PPARGC1A: variants seen among roughly 807,000 people sequenced by gnomAD.
The protein encoded by PPARGC1A is PPARG coactivator 1 alpha.
A neutral mutation model predicts 88.7 loss-of-function variants in PPARGC1A; 25 were observed. The observed-to-expected ratio is 0.28, with a 90% CI of 0.21 to 0.39. The LOEUF (loss-of-function observed/expected upper bound fraction) is 0.39, where lower values mean the gene tolerates loss of function less well. Ranked by LOEUF, PPARGC1A falls within the 10% of genes least tolerant of loss-of-function variation. The pLI is 1.00. For missense variants in PPARGC1A, 880 were observed against 968.7 expected, an observed-to-expected ratio of 0.91 and a Z score of 1.22; for synonymous variants, 363 against 355.6, an observed-to-expected ratio of 1.02 and a Z score of -0.24.
the PPARGC1A span, among the ~76,000 whole-genome samples, chr4:23,949,861 G>A: frequency 6.6e-6 from 1 of 152,126 alleles, no homozygotes; most frequent in African/African-American, 2.4e-5. Flanking sequence ...TTTTCACTTT[G>A]CAGCTACCCT....
the PPARGC1A span, among the ~76,000 whole-genome samples, chr4:24,065,511 T>G: frequency 7.7e-4 from 117 of 152,300 alleles, no homozygotes; most frequent in Non-Finnish European, 1.5e-3. Flanking sequence ...CAGGTGCTTT[T>G]CATAGAATTC....
intron 10 of PPARGC1A, among the ~76,000 whole-genome samples, chr4:23,805,083 T>A (rs147812461): frequency 6.6e-6 from 1 of 152,136 alleles, no homozygotes. Flanking sequence ...ATATCTGCTA[T>A]AAAATCAATC....
At chr4:24,169,731 T>C in the PPARGC1A span, among the ~76,000 whole-genome samples, 4 of 151,966 alleles carry the variant, frequency 2.6e-5, no homozygotes, top group South Asian at 2.1e-4. Context: ...TTAGGGAACA[T>C]TGTGGCAGGC....
intron 2 of PPARGC1A, among the ~76,000 whole-genome samples, chr4:23,843,719 A>C (rs1727475981): frequency 1.3e-5 from 2 of 152,004 alleles, no homozygotes; most frequent in South Asian, 4.1e-4. Context: ...AATTCCTACA[A>C]TTTGTATAAA....
chr4:23,866,217 T>C (rs1230926893), intron 2 of PPARGC1A: 1 of 142,130 alleles, frequency 7.0e-6, no homozygotes, highest in Non-Finnish European at 1.5e-5. Context: ...AAAACTTTCA[T>C]TTGCTATGGT....
the PPARGC1A span, among the ~76,000 whole-genome samples, chr4:24,086,166 A>G: frequency 6.6e-6 from 1 of 152,130 alleles, no homozygotes; most frequent in Non-Finnish European, 1.5e-5. Flanking sequence ...TTGGTTAGTT[A>G]TTATCCACCC....
the PPARGC1A span, among the ~76,000 whole-genome samples, chr4:24,280,490 G>GA: frequency 6.6e-6 from 1 of 152,002 alleles, no homozygotes; most frequent in Non-Finnish European, 1.5e-5. Context: ...GAGGGAGGGA[G>GA]AGAAGAAGAA....
chr4:23,994,985 T>A, the PPARGC1A span, among the ~76,000 whole-genome samples: 1 of 152,182 alleles, frequency 6.6e-6, no homozygotes, highest in African/African-American at 2.4e-5. Context: ...TACGAGGGTA[T>A]GTTTGAAATT....
At chr4:24,464,599 A>G in the PPARGC1A span, among the ~76,000 whole-genome samples, 1 of 152,204 alleles carries the variant, frequency 6.6e-6, no homozygotes, top group East Asian at 1.9e-4. Flanking sequence ...AAGAGATTAC[A>G]TGGATGTCTT....
the PPARGC1A span, among the ~76,000 whole-genome samples, chr4:24,023,535 G>A: frequency 1.3e-5 from 2 of 152,132 alleles, no homozygotes; most frequent in Non-Finnish European, 2.9e-5. Context: ...CTGTGATACC[G>A]CAAGGATATA....
chr4:24,210,400 T>C, the PPARGC1A span, among the ~76,000 whole-genome samples: 1 of 152,224 alleles, frequency 6.6e-6, no homozygotes, highest in African/African-American at 2.4e-5. Flanking sequence ...GGAGCTTGAG[T>C]AAAATAAACG....
At chr4:23,959,383 G>A in the PPARGC1A span, among the ~76,000 whole-genome samples, 1 of 152,102 alleles carries the variant, frequency 6.6e-6, no homozygotes, top group South Asian at 2.1e-4. Flanking sequence ...GCATATTTCA[G>A]TACTTATTAT....
At chr4:24,047,939 C>T in the PPARGC1A span, among the ~76,000 whole-genome samples, 1 of 152,190 alleles carries the variant, frequency 6.6e-6, no homozygotes, top group African/African-American at 2.4e-5. Context: ...CACTTCACTT[C>T]CTGCCTTTTC....
chr4:23,857,396 T>C (rs942439340), intron 2 of PPARGC1A, among the ~76,000 whole-genome samples: 1 of 146,322 alleles, frequency 6.8e-6, no homozygotes, highest in Admixed American at 6.8e-5. Flanking sequence ...ACGCACGTAC[T>C]AAATAGATTT....
chr4:23,905,204 C>T (rs1460339812), upstream of PPARGC1A, among the ~76,000 whole-genome samples: 1 of 152,182 alleles, frequency 6.6e-6, no homozygotes, highest in Non-Finnish European at 1.5e-5. Context: ...AAAGGGCAAA[C>T]ATAGGGATAT....
intron 2 of PPARGC1A, among the ~76,000 whole-genome samples, chr4:23,858,985 T>A (rs1730711487): frequency 1.4e-5 from 2 of 146,128 alleles, no homozygotes; most frequent in South Asian, 4.2e-4. Flanking sequence ...AATATAAACA[T>A]AAATTAAAGT....
intron 7 of PPARGC1A, among the ~76,000 whole-genome samples, chr4:23,822,431 G>A (rs1723170126): frequency 6.6e-6 from 1 of 152,084 alleles, no homozygotes; most frequent in Non-Finnish European, 1.5e-5. Context: ...TCACTAGGAT[G>A]ATAGTATTGC....
At chr4:24,041,049 C>T in the PPARGC1A span, among the ~76,000 whole-genome samples, 6 of 152,176 alleles carry the variant, frequency 3.9e-5, no homozygotes, top group South Asian at 2.1e-4. Context: ...GTGGGAGAAC[C>T]GACATTGGGA....
chr4:24,304,289 C>T, the PPARGC1A span, among the ~76,000 whole-genome samples: 3 of 152,116 alleles, frequency 2.0e-5, no homozygotes, highest in Admixed American at 6.5e-5. Flanking sequence ...CAATAAAAGG[C>T]CCCCAGACTT....
Sources: gnomAD v4.1 joint callset for allele counts (sites outside exome capture counted in the v4.1 genomes callset) on GRCh38, gnomAD v4.1.1 for gene constraint, MANE v1.5 for transcripts, NCBI Gene and HGNC (gene_info 2026-07-23, HGNC 2026-07-21) for gene names.